UNC5C: variants seen among roughly 807,000 people sequenced by gnomAD.
The protein encoded by UNC5C is netrin receptor UNC5C.
Under a neutral mutation model 99.8 loss-of-function variants are expected in UNC5C, and 47 were observed. That is an observed-to-expected ratio of 0.47 (90% CI 0.37 to 0.60). UNC5C has a LOEUF of 0.60. UNC5C is among the 20% of genes least tolerant of loss of function. UNC5C has a pLI of 0.00. For missense variants in UNC5C, 1,062 were observed against 1,165.9 expected, an observed-to-expected ratio of 0.91 and a Z score of 1.30; for synonymous variants, 487 against 452.2, an observed-to-expected ratio of 1.08 and a Z score of -0.98.
At chr4:95,347,151 T>C (rs1743805910) in intron 1 of UNC5C, among the ~76,000 whole-genome samples, 1 of 151,884 alleles carries the variant, frequency 6.6e-6, no homozygotes, top group Non-Finnish European at 1.5e-5. Flanking sequence ...GTCAAGTAAA[T>C]AATCCCATTT....
At chr4:95,329,156 T>C (rs1339551998) in intron 2 of UNC5C, among the ~76,000 whole-genome samples, 1 of 151,868 alleles carries the variant, frequency 6.6e-6, no homozygotes, top group East Asian at 1.9e-4. Flanking sequence ...TCAGGCATGG[T>C]GGTGTGCCTG....
chr4:95,415,228 A>G (rs1403853329), intron 1 of UNC5C, among the ~76,000 whole-genome samples: 1 of 152,210 alleles, frequency 6.6e-6, no homozygotes, highest in Non-Finnish European at 1.5e-5. Context: ...TTGTCTCAAC[A>G]TAGTCTACAT....
chr4:95,417,069 A>C (rs998833863), intron 1 of UNC5C, among the ~76,000 whole-genome samples: 3 of 152,206 alleles, frequency 2.0e-5, no homozygotes, highest in African/African-American at 7.2e-5. Flanking sequence ...GGTAAGTGTG[A>C]GAAGCAAGAT....
intron 6 of UNC5C, among the ~76,000 whole-genome samples, chr4:95,244,318 G>T (rs1371946389): frequency 6.6e-6 from 1 of 152,122 alleles, no homozygotes; most frequent in East Asian, 1.9e-4. Context: ...TTTACCTAGG[G>T]ATAAGAGCTG....
intron 1 of UNC5C, among the ~76,000 whole-genome samples, chr4:95,425,344 C>T (rs980707426): frequency 2.6e-5 from 4 of 152,176 alleles, no homozygotes; most frequent in Admixed American, 6.5e-5. Context: ...TTTTTTGAGA[C>T]GGAGTCTCGC....
chr4:95,391,730 T>C (rs1037624565), intron 1 of UNC5C, among the ~76,000 whole-genome samples: 3 of 113,494 alleles, frequency 2.6e-5, no homozygotes, highest in Admixed American at 8.9e-5. Context: ...CTCTACAAAA[T>C]ATAAAGTGAG....
chr4:95,431,527 A>ATCCT (rs1334128052), intron 1 of UNC5C, among the ~76,000 whole-genome samples: 8 of 151,902 alleles, frequency 5.3e-5, no homozygotes, highest in African/African-American at 1.9e-4. Flanking sequence ...TATCAATAAA[A>ATCCT]TAAGGGGTAA....
At chr4:95,345,115 C>T (rs892926891) in intron 1 of UNC5C, among the ~76,000 whole-genome samples, 2 of 151,834 alleles carry the variant, frequency 1.3e-5, no homozygotes, top group Non-Finnish European at 2.9e-5. Context: ...ACAAGAAACA[C>T]ATTTCACCTA....
chr4:95,497,583 C>T (rs1037014217), intron 1 of UNC5C, among the ~76,000 whole-genome samples: 5 of 151,910 alleles, frequency 3.3e-5, no homozygotes, highest in Admixed American at 1.3e-4. Flanking sequence ...AATGGTCTCT[C>T]AGTGGTGTAA....
At chr4:95,380,119 C>T (rs760943138) in intron 1 of UNC5C, among the ~76,000 whole-genome samples, 26 of 152,054 alleles carry the variant, frequency 1.7e-4, no homozygotes, top group Non-Finnish European at 3.5e-4. Flanking sequence ...TGTCTTGATT[C>T]GCTGCTTCTT....
At chr4:95,527,086 T>C (rs1297191699) in intron 1 of UNC5C, among the ~76,000 whole-genome samples, 2 of 152,048 alleles carry the variant, frequency 1.3e-5, no homozygotes, top group Non-Finnish European at 2.9e-5. Flanking sequence ...AATGAGTTAA[T>C]ATACCCATGC....
chr4:95,449,360 G>A (rs1747216449), intron 1 of UNC5C, among the ~76,000 whole-genome samples: 1 of 151,948 alleles, frequency 6.6e-6, no homozygotes, highest in African/African-American at 2.4e-5. Flanking sequence ...AAATAATCAC[G>A]GACACTTATG....
intron 2 of UNC5C, among the ~76,000 whole-genome samples, chr4:95,320,043 A>C (rs1405430739): frequency 2.0e-5 from 3 of 152,216 alleles, no homozygotes; most frequent in Non-Finnish European, 2.9e-5. Context: ...CATCTCTTTT[A>C]ACCATACATT....
At chr4:95,354,633 C>T (rs1198988996) in intron 1 of UNC5C, among the ~76,000 whole-genome samples, 1 of 151,696 alleles carries the variant, frequency 6.6e-6, no homozygotes, top group African/African-American at 2.4e-5. Flanking sequence ...AGGCATGCAC[C>T]ACTATGCCTG....
intron 1 of UNC5C, among the ~76,000 whole-genome samples, chr4:95,484,661 C>T (rs1475146533): frequency 6.6e-6 from 1 of 151,824 alleles, no homozygotes; most frequent in Non-Finnish European, 1.5e-5. Flanking sequence ...CCCATGCAAA[C>T]ATAAAGTAGA....
chr4:95,417,595 T>C (rs2149454651), intron 1 of UNC5C, among the ~76,000 whole-genome samples: 1 of 152,178 alleles, frequency 6.6e-6, no homozygotes, highest in South Asian at 2.1e-4. Flanking sequence ...ATACATAAAA[T>C]CTCTATAATT....
rs1179540273 is a variant in UNC5C, at chr4:95,437,065, GA to G, written c.125-101435del. On this transcript the variant is annotated intron_variant, in intron 1 of 15. Coordinates refer to ENST00000453304, the MANE Select transcript of UNC5C (RefSeq NM_003728.4). ...AACTTTCTCACTGAGGAAATAAAGG[GA>G]AAAAACCTGACAGAGCAAATCCAAA... 6.1e-5 allele frequency among the ~76,000 whole-genome samples: 9 copies of G among 147,770 alleles called. No homozygotes were observed. In the East Asian group the frequency reaches 1.8e-3, roughly 29 times the overall value.
chr4:95,183,322 T>C (rs1736692845), intron 13 of UNC5C, among the ~76,000 whole-genome samples: 1 of 151,914 alleles, frequency 6.6e-6, no homozygotes, highest in Non-Finnish European at 1.5e-5. Flanking sequence ...CCAGAATCCA[T>C]GTACCTAACC....
intron 1 of UNC5C, among the ~76,000 whole-genome samples, chr4:95,533,510 A>C (rs1456447280): frequency 6.6e-6 from 1 of 152,086 alleles, no homozygotes; most frequent in Non-Finnish European, 1.5e-5. Context: ...ACATCATTAA[A>C]TATAACATCG....
Sources: allele counts gnomAD v4.1 joint callset (sites outside exome capture counted in the v4.1 genomes callset), GRCh38; gene constraint gnomAD v4.1.1; transcripts MANE v1.5; gene names NCBI Gene and HGNC (gene_info 2026-07-23, HGNC 2026-07-21).